RPSA2: variants seen among roughly 807,000 people sequenced by gnomAD.
RPSA2 encodes ribosomal protein SA 2.
chr19:23,778,254 C>T, the RPSA2 span, among the ~76,000 whole-genome samples: 2 of 152,124 alleles, frequency 1.3e-5, no homozygotes, highest in Admixed American at 6.5e-5. Context: ...CTCTTGTTTC[C>T]CAGGCTGGAA....
the RPSA2 span, among the ~76,000 whole-genome samples, chr19:23,793,236 A>G: frequency 2.1e-5 from 3 of 145,310 alleles, no homozygotes; most frequent in Non-Finnish European, 4.5e-5. Flanking sequence ...TTTTTCCCTT[A>G]AAGTCTTCCT....
chr19:23,868,229 T>A, the RPSA2 span, among the ~76,000 whole-genome samples: 1 of 152,188 alleles, frequency 6.6e-6, no homozygotes, highest in Non-Finnish European at 1.5e-5. Context: ...TACTATACCA[T>A]TACATGAGAA....
chr19:23,782,313 A>C, the RPSA2 span: 1 of 152,222 alleles, frequency 6.6e-6, no homozygotes, highest in South Asian at 2.1e-4. Flanking sequence ...AGATTATGAC[A>C]TATGACTGTC....
At chr19:23,824,586 T>C in the RPSA2 span, among the ~76,000 whole-genome samples, 5 of 124,022 alleles carry the variant, frequency 4.0e-5, 1 homozygote, top group East Asian at 4.6e-4. Context: ...ATTTCTTTTT[T>C]TTTTTTTTTT....
the RPSA2 span, among the ~76,000 whole-genome samples, chr19:23,866,285 A>T: frequency 6.6e-6 from 1 of 152,218 alleles, no homozygotes; most frequent in African/African-American, 2.4e-5. Context: ...GCAGCATCAG[A>T]TCACTCATGC....
At chr19:23,847,267 A>T in the RPSA2 span, among the ~76,000 whole-genome samples, 2 of 150,974 alleles carry the variant, frequency 1.3e-5, no homozygotes, top group South Asian at 4.2e-4. Flanking sequence ...CATACTCTAA[A>T]TTTATTTATT....
At chr19:23,848,816 A>T in the RPSA2 span, among the ~76,000 whole-genome samples, 1 of 152,208 alleles carries the variant, frequency 6.6e-6, no homozygotes, top group African/African-American at 2.4e-5. Context: ...ATTTGGGTGG[A>T]ATTGGCTTGC....
chr19:23,856,536 C>G, the RPSA2 span, among the ~76,000 whole-genome samples: 3 of 152,154 alleles, frequency 2.0e-5, no homozygotes, highest in East Asian at 3.9e-4. Context: ...TTTCTGTGGT[C>G]TGGACCAATA....
At chr19:23,777,586 T>G in the RPSA2 span, among the ~76,000 whole-genome samples, 1 of 150,100 alleles carries the variant, frequency 6.7e-6, no homozygotes, top group African/African-American at 2.5e-5. Flanking sequence ...CACAGGATGC[T>G]TTGTGGCCTG....
chr19:23,832,883 C>T, the RPSA2 span: 1 of 1,571,714 alleles, frequency 6.4e-7, no homozygotes, highest in Admixed American at 1.7e-5. Flanking sequence ...GGAGAGAAAC[C>T]CTACAAATGT....
chr19:23,854,069 T>A, the RPSA2 span, among the ~76,000 whole-genome samples: 1 of 152,144 alleles, frequency 6.6e-6, no homozygotes, highest in Admixed American at 6.5e-5. Flanking sequence ...CCGTGTCTTA[T>A]CTCCTTTGTT....
At chr19:23,859,784 C>T in the RPSA2 span, among the ~76,000 whole-genome samples, 1 of 152,120 alleles carries the variant, frequency 6.6e-6, no homozygotes, top group African/African-American at 2.4e-5. Context: ...CTCCCAGTGT[C>T]CAGGTTCAAT....
the RPSA2 span, chr19:23,807,953 T>A: frequency 1.7e-5 from 5 of 292,930 alleles, no homozygotes; most frequent in African/African-American, 1.1e-4. Flanking sequence ...AGGATAACTT[T>A]AATACAAAAT....
At chr19:23,800,214 T>A in the RPSA2 span, among the ~76,000 whole-genome samples, 2 of 144,792 alleles carry the variant, frequency 1.4e-5, no homozygotes, top group African/African-American at 5.1e-5. Flanking sequence ...ATTTTATTTT[T>A]TTTTATTTTA....
chr19:23,801,387 T>C, the RPSA2 span, among the ~76,000 whole-genome samples: 3 of 152,126 alleles, frequency 2.0e-5, no homozygotes, highest in African/African-American at 7.2e-5. Flanking sequence ...TACAGGCATG[T>C]GCCATCACAC....
At chr19:23,816,670 G>T in the RPSA2 span, among the ~76,000 whole-genome samples, 38 of 152,100 alleles carry the variant, frequency 2.5e-4, no homozygotes, top group African/African-American at 9.2e-4. Context: ...TGATAAAAAC[G>T]TACCTTACCC....
At chr19:23,856,986 A>G in the RPSA2 span, among the ~76,000 whole-genome samples, 2 of 152,178 alleles carry the variant, frequency 1.3e-5, no homozygotes, top group African/African-American at 2.4e-5. Context: ...CCAAAAATTT[A>G]CCAGGCTGGA....
At chr19:23,811,419 T>C in the RPSA2 span, among the ~76,000 whole-genome samples, 148,911 of 152,240 alleles carry the variant, frequency 0.98, 72,921 homozygotes, top group Middle Eastern at 1. Context: ...CTGTCATTAC[T>C]GGTGTAAACC....
chr19:23,812,671 T>C, the RPSA2 span, among the ~76,000 whole-genome samples: 1 of 152,160 alleles, frequency 6.6e-6, no homozygotes, highest in Non-Finnish European at 1.5e-5. Flanking sequence ...AGTGCTGGGA[T>C]TGCAGGCATT....
Sources: allele counts gnomAD v4.1 joint callset (sites outside exome capture counted in the v4.1 genomes callset), GRCh38; gene constraint gnomAD v4.1.1; transcripts MANE v1.5; gene names NCBI Gene and HGNC (gene_info 2026-07-23, HGNC 2026-07-21).